The following CNTN3 variants were observed in gnomAD, a reference collection of about 807,000 sequenced individuals.
The protein encoded by CNTN3 is contactin-3.
A neutral mutation model predicts 119.1 loss-of-function variants in CNTN3; 60 were observed. The observed-to-expected ratio is 0.50, with a 90% confidence interval of 0.41 to 0.62. The LOEUF is 0.62. Ranked by LOEUF, CNTN3 falls within the 20% of genes least tolerant of loss-of-function variation. The pLI is 0.00. For missense variants in CNTN3, 1,101 were observed against 1,242.4 expected, an observed-to-expected ratio of 0.89 and a Z score of 1.71; for synonymous variants, 450 against 438.7, an observed-to-expected ratio of 1.03 and a Z score of -0.32.
At chr3:74,594,632 T>C (rs1250248418) in intron 1 of CNTN3, among the ~76,000 whole-genome samples, 1 of 152,184 alleles carries the variant, frequency 6.6e-6, no homozygotes, top group Non-Finnish European at 1.5e-5. Flanking sequence ...GAACTCATCA[T>C]TTTTTATGGC....
intron 20 of CNTN3, 54 bp downstream of exon 20, chr3:74,285,251 C>G: frequency 1.3e-6 from 2 of 1,507,344 alleles, no homozygotes; most frequent in Admixed American, 2.1e-5. Context: ...GAAGGCTATC[C>G]TTTTTAATGC....
chr3:74,384,264 C>T (rs965305118), intron 5 of CNTN3, among the ~76,000 whole-genome samples: 1 of 152,188 alleles, frequency 6.6e-6, no homozygotes, highest in Non-Finnish European at 1.5e-5. Context: ...AAATGCAGGG[C>T]AACCACCTGC....
intron 1 of CNTN3, among the ~76,000 whole-genome samples, chr3:74,595,212 G>A (rs1158315077): frequency 6.6e-6 from 1 of 151,576 alleles, no homozygotes. Flanking sequence ...CAGATGAGTA[G>A]GTTGCAAAAA....
At chr3:74,393,530 A>G (rs79430758) in intron 5 of CNTN3, among the ~76,000 whole-genome samples, 1,889 of 152,334 alleles carry the variant, frequency 0.012, 37 homozygotes, top group African/African-American at 0.039. Flanking sequence ...TAGGGAGCTA[A>G]CACTTAAACC....
At chr3:74,359,201 T>G (rs984513687) in intron 11 of CNTN3, among the ~76,000 whole-genome samples, 1 of 152,110 alleles carries the variant, frequency 6.6e-6, no homozygotes, top group Non-Finnish European at 1.5e-5. Flanking sequence ...GCCTTCACAG[T>G]GACCAACCAA....
At chr3:74,430,833 G>T (rs1295440207) in intron 4 of CNTN3, among the ~76,000 whole-genome samples, 1 of 152,154 alleles carries the variant, frequency 6.6e-6, no homozygotes, top group East Asian at 1.9e-4. Flanking sequence ...AGCAAGCAAA[G>T]ATAAAGTCCA....
At chr3:74,595,547 A>G (rs1314979939) in intron 1 of CNTN3, among the ~76,000 whole-genome samples, 1 of 152,170 alleles carries the variant, frequency 6.6e-6, no homozygotes, top group Non-Finnish European at 1.5e-5. Context: ...ATGCGAATCA[A>G]TAAATGTAAT....
intron 5 of CNTN3, among the ~76,000 whole-genome samples, chr3:74,409,419 A>G (rs1701401565): frequency 6.6e-6 from 1 of 152,146 alleles, no homozygotes; most frequent in African/African-American, 2.4e-5. Context: ...CTTTTGTTGC[A>G]GAGCTCTCTG....
intron 1 of CNTN3, among the ~76,000 whole-genome samples, chr3:74,532,841 T>C (rs1703712843): frequency 6.6e-6 from 1 of 151,980 alleles, no homozygotes; most frequent in Non-Finnish European, 1.5e-5. Flanking sequence ...ATTCATAAAG[T>C]GAGAAGGAAA....
intron 5 of CNTN3, among the ~76,000 whole-genome samples, chr3:74,419,522 G>T (rs1559592618): frequency 6.6e-6 from 1 of 152,204 alleles, no homozygotes. Flanking sequence ...TGTCACTTCA[G>T]CCTCCATTAC....
At chr3:74,486,429 T>C in intron 4 of CNTN3, 27 bp downstream of exon 4, 1 of 1,552,010 alleles carries the variant, frequency 6.4e-7, no homozygotes, top group Non-Finnish European at 8.6e-7. Flanking sequence ...AATGTTGGAT[T>C]TGCTAGACAT....
chr3:74,447,834 T>C (rs1331373216), intron 4 of CNTN3, among the ~76,000 whole-genome samples: 1 of 152,154 alleles, frequency 6.6e-6, no homozygotes, highest in Non-Finnish European at 1.5e-5. Flanking sequence ...CAGGTTAAAA[T>C]TGCTCTATGT....
chr3:74,313,466 T>C (rs1702751439), intron 13 of CNTN3, among the ~76,000 whole-genome samples: 1 of 152,096 alleles, frequency 6.6e-6, no homozygotes, highest in South Asian at 2.1e-4. Context: ...TTGTAAAAAG[T>C]GAAAATTTTA....
At chr3:74,602,957 A>G (rs1704935509) in intron 1 of CNTN3, among the ~76,000 whole-genome samples, 1 of 152,160 alleles carries the variant, frequency 6.6e-6, no homozygotes, top group Admixed American at 6.5e-5. Context: ...GAAATGAAGA[A>G]GGTTTATTGA....
chr3:74,352,607 T>A (rs113011433), intron 11 of CNTN3, among the ~76,000 whole-genome samples: 3 of 152,324 alleles, frequency 2.0e-5, no homozygotes, highest in African/African-American at 4.8e-5. Flanking sequence ...CTCCTTGATG[T>A]CTCTTATTCA....
At chr3:74,265,594 T>G (rs1217134996) in intron 22 of CNTN3, among the ~76,000 whole-genome samples, 1 of 152,164 alleles carries the variant, frequency 6.6e-6, no homozygotes, top group Non-Finnish European at 1.5e-5. Flanking sequence ...GTAGCTTTGT[T>G]TGTTTTAGTC....
intron 13 of CNTN3, among the ~76,000 whole-genome samples, chr3:74,312,702 C>A (rs967375724): frequency 8.5e-5 from 13 of 152,208 alleles, no homozygotes; most frequent in Admixed American, 8.5e-4. Flanking sequence ...CACCCTCACA[C>A]CTTACCATTA....
chr3:74,298,130 A>G lies in CNTN3; in HGVS notation c.2228T>C (p.Leu743Pro). 6.2e-7 allele frequency: 1 copy of G among 1,613,040 alleles called. No homozygotes were observed. The highest frequency in any genetic ancestry group is 8.5e-7 in the Non-Finnish European group (1 of 1,179,354). The change falls in exon 18 of 23, where the codon CTT (leucine) becomes CCT (proline). Residue 743 changes from leucine (L) to proline (P), a missense_variant. Transcript: ENST00000263665. ...GFGYVVAFRP[L>P]GVTTWIQTVV... is the part of the protein sequence containing the mutation. Reference sequence around the variant, plus strand: ...TGTCTGGATCCAGGTGGTAACCCCAAGAGGGCGGAAAGCAACAACATACCC... The same window carrying G: ...TGTCTGGATCCAGGTGGTAACCCCAGGAGGGCGGAAAGCAACAACATACCC...
At chr3:74,489,317 T>C (rs1384237487) in intron 3 of CNTN3, among the ~76,000 whole-genome samples, 1 of 152,016 alleles carries the variant, frequency 6.6e-6, no homozygotes, top group African/African-American at 2.4e-5. Context: ...CTGCCTACAG[T>C]AGACACAAGC....
Sources: gnomAD v4.1 joint callset for allele counts (sites outside exome capture counted in the v4.1 genomes callset) on GRCh38, gnomAD v4.1.1 for gene constraint, MANE v1.5 for transcripts, NCBI Gene and HGNC (gene_info 2026-07-23, HGNC 2026-07-21) for gene names.